The following HACE1 variants were observed in gnomAD, a reference collection of about 807,000 sequenced individuals.
HACE1 encodes E3 ubiquitin-protein ligase HACE1.
In HACE1, 73 loss-of-function variants were observed where a neutral mutation model predicts 118.4. The ratio of observed to expected loss-of-function variants is 0.62; its 90% CI spans 0.51 to 0.75. The LOEUF is 0.75. HACE1 is among the 30% of genes least tolerant of loss of function. HACE1 has a pLI of 0.00. For missense variants in HACE1, 749 were observed against 1,102.2 expected (o/e 0.68, Z 4.54); for synonymous variants, 368 against 374.8 (o/e 0.98, Z 0.21).
In HACE1 at chr6:104,796,981, G is replaced by A. The variant is rs1395323364; in HGVS notation, c.662C>T (p.Ala221Val). Reference sequence around the variant, plus strand: ...TCCATTTTTATCTGGCAGATATTTGGCTCCTCGTAATAGTAGGATCTGTGC... The same window carrying A: ...TCCATTTTTATCTGGCAGATATTTGACTCCTCGTAATAGTAGGATCTGTGC... ...DTAQILLLRG[A>V]KYLPDKNGVT... is the part of the protein sequence containing the mutation. Residue 221 changes from alanine (A) to valine (V), a missense_variant, in exon 8 of 24, where the codon GCC (alanine) becomes GTC (valine). By Grantham distance (64) the Ala-to-Val change is moderately conservative. Coordinates refer to ENST00000262903, the MANE Select transcript of HACE1 (RefSeq NM_020771.4). 1.2e-6 allele frequency: 2 copies of A among 1,604,346 alleles called. No homozygotes were observed. The highest frequency in any genetic ancestry group is 1.3e-5 in the African/African-American group (1 of 74,678).
rs555912849 is a variant in HACE1 at position 104,756,893 on chromosome 6, T to C, written c.2212-6421A>G. ...GCAACTGGCAGACCAGGAGATTCCC[T>C]TCTGTGCCTGGCTCAGAGGGTCGCA... On this transcript the variant is annotated intron_variant, in intron 19 of 23. Coordinates refer to ENST00000262903, the MANE Select transcript of HACE1 (RefSeq NM_020771.4). 2.0e-5 allele frequency among the ~76,000 whole-genome samples: 3 copies of C among 152,334 alleles called. No individual in the cohort carries two copies. In the South Asian group the frequency reaches 6.2e-4, roughly 32 times the overall value.
Position 104,729,693 on chromosome 6 carries a change from T to G in HACE1, c.2699A>C (p.His900Pro), listed in dbSNP as rs749149699. Residue 900 changes from histidine (H) to proline (P), a missense_variant, in exon 24 of 24, where the codon CAT (histidine) becomes CCT (proline). Physicochemically the swap from His to Pro is moderately conservative, Grantham distance 77. Transcript: ENST00000262903. ...ILKDRLLVAL[H>P]CGSYGYTMA ...CATTGTGTAACCATAGCTGCCACAA[T>G]GTAGTGCCACAAGAAGTCTGTCCTT... 1.3e-6 allele frequency: 2 copies of G among 1,566,830 alleles called. No individual in the cohort carries two copies. Among genetic ancestry groups the G allele is most frequent in the Non-Finnish European group, 1.8e-6 (2 of 1,136,932 alleles).
At chr6:104,853,064 G>A (rs777482549) in intron 1 of HACE1, among the ~76,000 whole-genome samples, 4 of 152,164 alleles carry the variant, frequency 2.6e-5, no homozygotes, top group Non-Finnish European at 5.9e-5. Context: ...GTGAAGAGGT[G>A]AGGCTTTGGG....
intron 6 of HACE1, among the ~76,000 whole-genome samples, chr6:104,819,131 T>G (rs1772420397): frequency 6.6e-6 from 1 of 152,182 alleles, no homozygotes; most frequent in Non-Finnish European, 1.5e-5. Context: ...AACACTATAT[T>G]TGGAAAATAC....
intron 19 of HACE1, among the ~76,000 whole-genome samples, chr6:104,756,721 G>A (rs1022133618): frequency 3.3e-5 from 5 of 152,116 alleles, no homozygotes; most frequent in Non-Finnish European, 5.9e-5. Flanking sequence ...CACGGAGGGC[G>A]AGCCAAAGCA....
chr6:104,744,382 T>A (rs1336628447), intron 21 of HACE1, 130 bp downstream of exon 21: 3 of 801,882 alleles, frequency 3.7e-6, no homozygotes, highest in Non-Finnish European at 4.4e-6. Context: ...TATGCACTAT[T>A]CCCACAAGAA....
At chr6:104,750,772 C>A (rs1314263047) in intron 19 of HACE1, among the ~76,000 whole-genome samples, 1 of 152,158 alleles carries the variant, frequency 6.6e-6, no homozygotes, top group Non-Finnish European at 1.5e-5. Flanking sequence ...CCAGTCCAAG[C>A]TATCATCACT....
intron 22 of HACE1, among the ~76,000 whole-genome samples, chr6:104,737,440 G>C (rs965105776): frequency 9.9e-5 from 15 of 152,254 alleles, no homozygotes; most frequent in South Asian, 2.1e-4. Context: ...TTAGGGAGTG[G>C]CAGACAGTGG....
intron 6 of HACE1, among the ~76,000 whole-genome samples, chr6:104,813,264 G>T (rs1582605332): frequency 1.4e-5 from 2 of 138,420 alleles, no homozygotes; most frequent in South Asian, 4.5e-4. Flanking sequence ...AAGGTGGAAA[G>T]ATCATTTAAG....
chr6:104,732,295 T>G (rs944770171), intron 22 of HACE1: 1 of 152,168 alleles, frequency 6.6e-6, no homozygotes, highest in African/African-American at 2.4e-5. Context: ...AGCCAAATGG[T>G]AGAAGCAACC....
chr6:104,813,467 A>C (rs1562431576), intron 6 of HACE1, among the ~76,000 whole-genome samples: 1 of 138,578 alleles, frequency 7.2e-6, no homozygotes, highest in Non-Finnish European at 1.6e-5. Flanking sequence ...AGTCATCCCC[A>C]ACCAAGGTTA....
At chr6:104,834,707 T>C (rs986466730) in intron 5 of HACE1, among the ~76,000 whole-genome samples, 3 of 152,234 alleles carry the variant, frequency 2.0e-5, no homozygotes, top group Non-Finnish European at 2.9e-5. Flanking sequence ...CAGATTATAC[T>C]TGTTGACTTG....
chr6:104,812,723 C>T (rs1010775104), intron 6 of HACE1, among the ~76,000 whole-genome samples: 2 of 152,010 alleles, frequency 1.3e-5, no homozygotes, highest in Non-Finnish European at 1.5e-5. Context: ...ATAAGCAACT[C>T]AATTCTTACT....
chr6:104,839,039 A>G (rs1774833840), intron 5 of HACE1, among the ~76,000 whole-genome samples: 1 of 152,150 alleles, frequency 6.6e-6, no homozygotes, highest in African/African-American at 2.4e-5. Flanking sequence ...GCAAACCAAA[A>G]CTACAATGAG....
intron 19 of HACE1, among the ~76,000 whole-genome samples, chr6:104,770,807 A>C (rs1010285710): frequency 7.2e-5 from 11 of 152,236 alleles, no homozygotes; most frequent in African/African-American, 2.7e-4. Context: ...AGTATGTGGA[A>C]AGCTTAAACA....
At chr6:104,845,887 A>C (rs1444049864) in intron 4 of HACE1, 2 of 152,184 alleles carry the variant, frequency 1.3e-5, no homozygotes, top group Non-Finnish European at 2.9e-5. Flanking sequence ...CACAAACCAG[A>C]TAGTCCCATT....
At chr6:104,857,349 C>T (rs759655144) in intron 1 of HACE1, among the ~76,000 whole-genome samples, 2 of 151,474 alleles carry the variant, frequency 1.3e-5, no homozygotes, top group Non-Finnish European at 2.9e-5. Context: ...CAAATGCAAA[C>T]GATGCCATTT....
At chr6:104,739,034 A>G (rs1776289004) in intron 22 of HACE1, among the ~76,000 whole-genome samples, 1 of 149,672 alleles carries the variant, frequency 6.7e-6, no homozygotes, top group African/African-American at 2.5e-5. Context: ...AAAGAAAAGA[A>G]TTTTCAACCC....
At chr6:104,761,698 G>T (rs1779372532) in intron 19 of HACE1, among the ~76,000 whole-genome samples, 1 of 152,158 alleles carries the variant, frequency 6.6e-6, no homozygotes. Flanking sequence ...ATTGACAAAT[G>T]GGATCTAATT....
Sources: allele counts gnomAD v4.1 joint callset (sites outside exome capture counted in the v4.1 genomes callset), GRCh38; gene constraint gnomAD v4.1.1; transcripts MANE v1.5; gene names NCBI Gene and HGNC (gene_info 2026-07-23, HGNC 2026-07-21).